Variants in MAL2 observed in about 807,000 individuals in gnomAD.
The protein encoded by MAL2 is protein MAL2.
A neutral mutation model predicts 18.1 loss-of-function variants in MAL2; 17 were observed. The ratio of observed to expected loss-of-function variants is 0.94; its 90% CI spans 0.64 to 1.41. MAL2 has a LOEUF of 1.41. MAL2 is among the 40% of genes most tolerant of loss of function. The pLI is 0.00. For missense variants in MAL2, 222 were observed against 231.9 expected, an observed-to-expected ratio of 0.96 and a Z score of 0.28; for synonymous variants, 102 against 102.3, an observed-to-expected ratio of 1.00 and a Z score of 0.02.
Position 119,208,623 on chromosome 8 carries a change from G to C in MAL2, c.132+19G>C. On this transcript the variant is annotated intron_variant, in intron 1 of 3. Coordinates refer to ENST00000614891, the MANE Select transcript of MAL2 (RefSeq NM_052886.3). The surrounding 1 kb of genome is among the most constrained non-coding windows in gnomAD (Gnocchi z 4.3). ...GGAGATTGTAAGTGGGGCCGCCGGA[G>C]CGAGGGTCGCGCGGGGAGCGAGGAC... 1 of 1,298,504 alleles carries C rather than the reference G, an allele frequency of 7.7e-7. No homozygotes were observed. Among genetic ancestry groups the C allele is most frequent in the Non-Finnish European group, 9.8e-7 (1 of 1,021,500 alleles). The allele number at this position is 1,298,504 out of a possible 1,614,324, so 80.4% of individuals were successfully genotyped here. A position where few individuals can be genotyped will look rare whatever the true frequency, so the allele number is the denominator to read the frequency against.
intron 2 of MAL2, among the ~76,000 whole-genome samples, chr8:119,236,135 G>A (rs1480189271): frequency 2.9e-5 from 2 of 68,990 alleles, no homozygotes; most frequent in East Asian, 3.9e-4. Flanking sequence ...AAAGGCAGGG[G>A]TTGCAATCCT....
chr8:119,240,316 C>T lies in MAL2; in HGVS notation c.455C>T (p.Ala152Val), dbSNP rs753464673. Reference protein sequence around the residue: ...SDNQYNINVAASIFAFMTTAC... With the variant: ...SDNQYNINVAVSIFAFMTTAC... ...AACCAGTATAACATAAACGTAGCAG[C>T]CTCAGTAAGTATTCATATTCAATGA... The change falls in exon 3 of 4, where the codon GCC becomes GTC. Residue 152 changes from alanine (A) to valine (V), a missense_variant. Transcript: ENST00000614891. 6.2e-7 allele frequency: 1 copy of T among 1,613,310 alleles called. No individual in the cohort carries two copies. Among genetic ancestry groups the T allele is most frequent in the East Asian group, 2.2e-5 (1 of 44,880 alleles).
chr8:119,225,380 T>C (rs978287710), intron 2 of MAL2, among the ~76,000 whole-genome samples: 4 of 152,010 alleles, frequency 2.6e-5, no homozygotes, highest in Non-Finnish European at 4.4e-5. Context: ...GTTTGTTTGG[T>C]TTTTTGTCCT....
chr8:119,236,572 A>T (rs1007887856), intron 2 of MAL2, among the ~76,000 whole-genome samples: 2 of 151,880 alleles, frequency 1.3e-5, no homozygotes, highest in Admixed American at 6.6e-5. Flanking sequence ...AATGTAAAAG[A>T]ACAGAAATTA....
intron 2 of MAL2, among the ~76,000 whole-genome samples, chr8:119,238,299 A>G (rs1207648534): frequency 6.6e-6 from 1 of 152,172 alleles, no homozygotes; most frequent in Non-Finnish European, 1.5e-5. Flanking sequence ...ATGGAAGAAC[A>G]TTCCATGCTC....
At chr8:119,236,253 A>G (rs1260116007) in intron 2 of MAL2, among the ~76,000 whole-genome samples, 1 of 130,184 alleles carries the variant, frequency 7.7e-6, no homozygotes, top group East Asian at 2.2e-4. Flanking sequence ...ACTATCCTAA[A>G]TATATATGCA....
At chr8:119,231,253 C>T (rs571244049) in intron 2 of MAL2, among the ~76,000 whole-genome samples, 1 of 152,102 alleles carries the variant, frequency 6.6e-6, no homozygotes, top group Non-Finnish European at 1.5e-5. Context: ...AGGATGGTCT[C>T]TCTCTCCTGA....
chr8:119,232,585 G>GT, intron 2 of MAL2, among the ~76,000 whole-genome samples: 1 of 152,170 alleles, frequency 6.6e-6, no homozygotes, highest in East Asian at 1.9e-4. Flanking sequence ...AAGTATATAT[G>GT]TTAGTAGTTT....
intron 2 of MAL2, among the ~76,000 whole-genome samples, chr8:119,233,066 G>A (rs1388388873): frequency 6.6e-6 from 1 of 152,240 alleles, no homozygotes; most frequent in African/African-American, 2.4e-5. Flanking sequence ...CTGTTGATTT[G>A]GGGTGGTTGG....
chr8:119,210,416 C>T (rs918296211), intron 1 of MAL2, among the ~76,000 whole-genome samples: 2 of 152,108 alleles, frequency 1.3e-5, no homozygotes, highest in Non-Finnish European at 2.9e-5. Flanking sequence ...TCCCCCTCCC[C>T]ATTATATCTT....
intron 1 of MAL2, among the ~76,000 whole-genome samples, chr8:119,210,448 TA>T: frequency 6.6e-6 from 1 of 152,152 alleles, no homozygotes; most frequent in African/African-American, 2.4e-5. Flanking sequence ...GCCCAGAGGT[TA>T]GTTCTCAATT....
chr8:119,225,239 C>G (rs1010646498), intron 2 of MAL2, among the ~76,000 whole-genome samples: 21 of 152,106 alleles, frequency 1.4e-4, no homozygotes, highest in African/African-American at 5.1e-4. Context: ...CATTTAACAT[C>G]AGGTATATCT....
intron 2 of MAL2, among the ~76,000 whole-genome samples, chr8:119,234,365 G>A (rs189766715): frequency 1.6e-4 from 25 of 152,068 alleles, no homozygotes; most frequent in Non-Finnish European, 2.5e-4. Flanking sequence ...ACTGCAAGGC[G>A]GCAACAAGGC....
chr8:119,241,205 A>C (rs1818040909), intron 3 of MAL2, among the ~76,000 whole-genome samples: 1 of 152,148 alleles, frequency 6.6e-6, no homozygotes, highest in African/African-American at 2.4e-5. Context: ...AATGGTGGCC[A>C]CTGGCTTCAT....
At chr8:119,229,033 A>G (rs1817653231) in intron 2 of MAL2, among the ~76,000 whole-genome samples, 2 of 152,096 alleles carry the variant, frequency 1.3e-5, no homozygotes, top group Non-Finnish European at 2.9e-5. Context: ...TTCTCTGACC[A>G]TGGGTACTCT....
In MAL2 at chr8:119,227,790, G is replaced by A. The variant is rs555030020; in HGVS notation, c.303+6033G>A. On this transcript the variant is annotated intron_variant, in intron 2 of 3. Coordinates refer to ENST00000614891, the MANE Select transcript of MAL2 (RefSeq NM_052886.3). ...CTGAAGAAAGACTTAAAGGAGAGAG[G>A]TTAGAGGGATACATGACATCTCCGT... is the stretch of plus-strand genomic sequence containing the variant. Among the ~76,000 whole-genome samples, 12 of 152,264 alleles carry A rather than the reference G, an allele frequency of 7.9e-5. No individual in the cohort carries two copies. In the South Asian group the frequency reaches 1.5e-3, roughly 18 times the overall value.
At position 119,229,201 on chromosome 8, in the gene MAL2, G is replaced by A. The variant is rs759560791; in HGVS notation, c.303+7444G>A. Among the ~76,000 whole-genome samples the A allele has an allele frequency of 5.7e-4, 86 of 152,122 alleles. 2 individuals are homozygous for A. Among genetic ancestry groups the A allele is most frequent in the Middle Eastern group, 3.4e-3 (1 of 292 alleles). On this transcript the variant is annotated intron_variant, in intron 2 of 3. Transcript: ENST00000614891. ...ATCTCCACATAGTATGCCTAATCCC[G>A]TATCCCTTCCTTGTCCCTGAAGCTT...
At position 119,240,303 on chromosome 8, in the gene MAL2, A is replaced by G; in HGVS notation, c.442A>G (p.Ile148Val). The G allele has an allele frequency of 6.2e-7, 1 of 1,613,544 alleles. No homozygotes were observed. Among genetic ancestry groups the G allele is most frequent in the Non-Finnish European group, 8.5e-7 (1 of 1,179,682 alleles). The change falls in exon 3 of 4, where the codon ATA becomes GTA. Residue 148 changes from isoleucine (I) to valine (V), a missense_variant. Physicochemically the swap from Ile to Val is conservative, Grantham distance 29. Coordinates refer to ENST00000614891, the MANE Select transcript of MAL2 (RefSeq NM_052886.3). The stretch of plus-strand genomic sequence containing the variant: ...ACTCCTGAGTGATAACCAGTATAAC[A>G]TAAACGTAGCAGCCTCAGTAAGTAT... Reference protein sequence around the residue: ...QPLLSDNQYNINVAASIFAFM... With the variant: ...QPLLSDNQYNVNVAASIFAFM...
intron 2 of MAL2, among the ~76,000 whole-genome samples, chr8:119,234,484 G>A (rs1817829023): frequency 6.6e-6 from 1 of 152,230 alleles, no homozygotes. Context: ...GCCTGCCTCT[G>A]TAGGCTCCAC....
Sources: allele counts gnomAD v4.1 joint callset (sites outside exome capture counted in the v4.1 genomes callset), GRCh38; gene constraint gnomAD v4.1.1; non-coding constraint Gnocchi (gnomAD v3.1); transcripts MANE v1.5; gene names NCBI Gene and HGNC (gene_info 2026-07-23, HGNC 2026-07-21).